Variants in LAMA2 observed in about 807,000 individuals in gnomAD.
The protein encoded by LAMA2 is laminin subunit alpha 2.
A neutral mutation model predicts 364.8 loss-of-function variants in LAMA2; 269 were observed. The ratio of observed to expected loss-of-function variants is 0.74; its 90% confidence interval spans 0.67 to 0.82. The LOEUF (loss-of-function observed/expected upper bound fraction) is 0.82, where lower values mean the gene tolerates loss of function less well. LAMA2 is among the 40% of genes least tolerant of loss of function. LAMA2 has a pLI of 0.00. For synonymous variants in LAMA2, 1,379 were observed against 1,370.6 expected (o/e 1.01, Z -0.14); for missense variants, 3,807 against 3,873.2 (o/e 0.98, Z 0.45).
At position 129,464,337 on chromosome 6, in the gene LAMA2, G is replaced by T. The variant is rs529981007; in HGVS notation, c.7040G>T (p.Gly2347Val). 79 of 1,612,154 alleles carry T rather than the reference G, an allele frequency of 4.9e-5. No individual in the cohort carries two copies. In the South Asian group the frequency reaches 6.5e-4, roughly 13 times the overall value. ...SEGTIQFDGE[G>V]YALVSRPIRW... ...GGGACTATTCAATTTGATGGAGAAG[G>T]TTATGCATTGGTCAGCCGTCCCATT... Residue 2347 changes from glycine to valine, a missense_variant, in exon 50 of 65, where the codon GGT becomes GTT. This residue lies in a region of LAMA2 where 3,333 missense variants were observed against 3,345.7 expected (regional missense o/e 1.00). Coordinates refer to ENST00000421865, the MANE Select transcript of LAMA2 (RefSeq NM_000426.4).
intron 32 of LAMA2, among the ~76,000 whole-genome samples, chr6:129,362,674 AAATT>A (rs1777535466): frequency 6.6e-6 from 1 of 152,230 alleles, no homozygotes; most frequent in Admixed American, 6.5e-5. Context: ...ATATATAAAT[AAATT>A]AAGTAATAAT....
At chr6:129,315,692 A>G (rs1426247061) in intron 25 of LAMA2, 37 bp downstream of exon 25, 2 of 1,611,982 alleles carry the variant, frequency 1.2e-6, no homozygotes, top group Admixed American at 1.7e-5. Flanking sequence ...TGAGAACAAG[A>G]TAAAATCTTT....
At chr6:129,296,804 C>A (rs896117689) in intron 20 of LAMA2, among the ~76,000 whole-genome samples, 1 of 151,846 alleles carries the variant, frequency 6.6e-6, no homozygotes, top group African/African-American at 2.4e-5. Context: ...TAAAAAATAA[C>A]CCTGAAGTAT....
At chr6:129,515,600 A>G (rs1353338543) in intron 64 of LAMA2, among the ~76,000 whole-genome samples, 1 of 149,092 alleles carries the variant, frequency 6.7e-6, no homozygotes, top group African/African-American at 2.4e-5. Flanking sequence ...AATGTAAGAA[A>G]GTGATAAAGT....
chr6:129,307,569 C>T (rs1356509701), intron 22 of LAMA2, among the ~76,000 whole-genome samples: 2 of 152,198 alleles, frequency 1.3e-5, no homozygotes, highest in Non-Finnish European at 2.9e-5. Context: ...TGCCTCTGTA[C>T]ACTGCTTCAT....
intron 62 of LAMA2, among the ~76,000 whole-genome samples, chr6:129,510,514 T>C (rs1786486440): frequency 6.6e-6 from 1 of 152,148 alleles, no homozygotes; most frequent in Non-Finnish European, 1.5e-5. Context: ...TGTATGTTCA[T>C]TAGAAATAAA....
intron 1 of LAMA2, among the ~76,000 whole-genome samples, chr6:128,976,449 T>C (rs1050032950): frequency 1.3e-5 from 2 of 152,134 alleles, no homozygotes; most frequent in Non-Finnish European, 2.9e-5. Flanking sequence ...CCCAGGGAAA[T>C]GGGAGGTAAC....
chr6:129,075,812 G>A (rs899746977), intron 3 of LAMA2, among the ~76,000 whole-genome samples: 5 of 152,140 alleles, frequency 3.3e-5, no homozygotes, highest in African/African-American at 9.7e-5. Flanking sequence ...AGTGGTGCCA[G>A]GCATGGTGGC....
At chr6:129,157,264 A>G (rs954958977) in intron 8 of LAMA2, among the ~76,000 whole-genome samples, 11 of 152,322 alleles carry the variant, frequency 7.2e-5, no homozygotes, top group Admixed American at 7.2e-4. Context: ...GATGCAGTTC[A>G]TAAAAACCCA....
rs1255839487 is a variant in LAMA2, at chr6:129,297,741, T to C, written c.2913T>C (p.Ser971=). The change falls in exon 21 of 65, where the codon TCT becomes TCC. Residue 971 remains serine (S), a synonymous_variant. Coordinates refer to ENST00000421865, the MANE Select transcript of LAMA2 (RefSeq NM_000426.4). ...GCTGTGTTCCCTGCAACTGCAATTCTTTTGGGTCTAAGTCATTCGACTGTG... is the reference window on the plus strand; with the variant it reads ...GCTGTGTTCCCTGCAACTGCAATTCCTTTGGGTCTAAGTCATTCGACTGTG... ...ARGCVPCNCN[S]FGSKSFDCEE... 1 of 1,614,124 alleles carries C rather than the reference T, an allele frequency of 6.2e-7. No individual in the cohort carries two copies. Among genetic ancestry groups the C allele is most frequent in the Non-Finnish European group, 8.5e-7 (1 of 1,179,976 alleles).
At chr6:129,084,323 G>T in intron 3 of LAMA2, among the ~76,000 whole-genome samples, 1 of 152,034 alleles carries the variant, frequency 6.6e-6, no homozygotes, top group Non-Finnish European at 1.5e-5. Flanking sequence ...ATATTTAAAT[G>T]TATTCTGTTC....
In LAMA2 at chr6:129,427,855, G is replaced by T. The variant is rs1207051921; in HGVS notation, c.5968+1G>T. 1 of 1,589,478 alleles carries T rather than the reference G, an allele frequency of 6.3e-7. No homozygotes were observed. Among genetic ancestry groups the T allele is most frequent in the Non-Finnish European group, 8.6e-7 (1 of 1,157,916 alleles). ...AAGAAGTTAGCAAATGATGTAAAAG[G>T]TCAGTGTGGCCATAGTTTTTATTAT... On this transcript the variant is annotated splice_donor_variant, in intron 41 of 64. Coordinates refer to ENST00000421865, the MANE Select transcript of LAMA2 (RefSeq NM_000426.4). LOFTEE classifies it high-confidence loss of function.
At chr6:129,268,800 A>C (rs1025908875) in intron 16 of LAMA2, among the ~76,000 whole-genome samples, 1 of 152,034 alleles carries the variant, frequency 6.6e-6, no homozygotes, top group Non-Finnish European at 1.5e-5. Context: ...TGTTTCCTGA[A>C]TTTTCCATCA....
intron 3 of LAMA2, among the ~76,000 whole-genome samples, chr6:129,062,074 A>G (rs2114799838): frequency 6.6e-6 from 1 of 152,340 alleles, no homozygotes; most frequent in African/African-American, 2.4e-5. Context: ...TTCTCAGACA[A>G]GAAAGAGCTT....
At chr6:129,069,361 T>G (rs1238380831) in intron 3 of LAMA2, among the ~76,000 whole-genome samples, 2 of 149,258 alleles carry the variant, frequency 1.3e-5, no homozygotes, top group East Asian at 3.9e-4. Context: ...TACTTACATA[T>G]TATGCTTATG....
At position 129,452,972 on chromosome 6, in the gene LAMA2, C is replaced by G. The variant is rs1168745173; in HGVS notation, c.6430-16C>G. Reference sequence around the variant, plus strand: ...GAGATTTACTCTTGGTTCTTTGTATCTTGTTTTTTTTAAAGATCAAAGTAT... The same window carrying G: ...GAGATTTACTCTTGGTTCTTTGTATGTTGTTTTTTTTAAAGATCAAAGTAT... On this transcript the variant is annotated splice_polypyrimidine_tract_variant and intron_variant, in intron 45 of 64. Transcript: ENST00000421865. The G allele has an allele frequency of 6.2e-7, 1 of 1,609,602 alleles. No homozygotes were observed. The highest frequency in any genetic ancestry group is 1.7e-5 in the Admixed American group (1 of 59,810).
chr6:129,155,769 T>C (rs1779076898), intron 8 of LAMA2, among the ~76,000 whole-genome samples: 1 of 152,116 alleles, frequency 6.6e-6, no homozygotes, highest in Non-Finnish European at 1.5e-5. Context: ...CTATCTTCAT[T>C]GCTTTAGTAA....
chr6:128,972,193 C>A (rs889779005), intron 1 of LAMA2, among the ~76,000 whole-genome samples: 14 of 152,114 alleles, frequency 9.2e-5, no homozygotes, highest in African/African-American at 2.9e-4. Context: ...TGCTTTGAAG[C>A]AATTACACTG....
chr6:128,905,901 T>C (rs1275806008), intron 1 of LAMA2, among the ~76,000 whole-genome samples: 7 of 152,182 alleles, frequency 4.6e-5, no homozygotes, highest in Non-Finnish European at 7.3e-5. Flanking sequence ...TTTTTATTCT[T>C]GTGATAGTTT....
Sources: gnomAD v4.1 joint callset for allele counts (sites outside exome capture counted in the v4.1 genomes callset) on GRCh38, gnomAD v4.1.1 for gene constraint, gnomAD v4.1.1 regional missense constraint, MANE v1.5 for transcripts, NCBI Gene and HGNC (gene_info 2026-07-23, HGNC 2026-07-21) for gene names.